The following INPP4B variants were observed in gnomAD, a reference collection of about 807,000 sequenced individuals.
INPP4B encodes the protein inositol polyphosphate-4-phosphatase type II B, also known as inositol polyphosphate 4-phosphatase type II.
A neutral mutation model predicts 122.5 loss-of-function variants in INPP4B; 55 were observed. The observed-to-expected ratio is 0.45, with a 90% CI of 0.36 to 0.56. The LOEUF (loss-of-function observed/expected upper bound fraction) is 0.56. Among genes scored for constraint, INPP4B ranks in the 20% least tolerant of loss-of-function variants. INPP4B has a pLI of 0.00. For synonymous variants in INPP4B, 403 were observed against 388.7 expected, an observed-to-expected ratio of 1.04 and a Z score of -0.43; for missense variants, 1,000 against 1,097.7, an observed-to-expected ratio of 0.91 and a Z score of 1.26.
chr4:142,332,331 C>T (rs1464900649), intron 7 of INPP4B, among the ~76,000 whole-genome samples: 1 of 152,078 alleles, frequency 6.6e-6, no homozygotes, highest in Non-Finnish European at 1.5e-5. Context: ...GAGGTAACTA[C>T]AGCTAGACAT....
At chr4:142,048,903 G>C (rs951011649) in intron 25 of INPP4B, among the ~76,000 whole-genome samples, 4 of 151,984 alleles carry the variant, frequency 2.6e-5, no homozygotes, top group African/African-American at 9.7e-5. Flanking sequence ...TAGGACCAGG[G>C]TGGCAGAACA....
intron 7 of INPP4B, among the ~76,000 whole-genome samples, chr4:142,327,160 A>C (rs527833840): frequency 2.8e-4 from 42 of 152,316 alleles, no homozygotes; most frequent in African/African-American, 9.4e-4. Flanking sequence ...AATTAAGACT[A>C]TAGTCATGAG....
intron 22 of INPP4B, 67 bp from the exon 23 acceptor site, chr4:142,108,257 T>A: frequency 2.5e-6 from 2 of 803,578 alleles, no homozygotes; most frequent in South Asian, 3.0e-5. Flanking sequence ...ACATTTTACC[T>A]TTCCTTTTTA....
At chr4:142,287,027 GCTT>G (rs1047602250) in intron 9 of INPP4B, 46 of 151,970 alleles carry the variant, frequency 3.0e-4, no homozygotes, top group Admixed American at 2.8e-3. Flanking sequence ...TCTTTCTTAG[GCTT>G]CTTCTCATAG....
At chr4:142,168,404 C>T (rs1823929464) in intron 16 of INPP4B, among the ~76,000 whole-genome samples, 1 of 151,454 alleles carries the variant, frequency 6.6e-6, no homozygotes, top group Admixed American at 6.6e-5. Flanking sequence ...ACATTCTTGG[C>T]TGTCAGATTT....
At chr4:142,317,536 A>C in intron 7 of INPP4B, 2 of 234,646 alleles carry the variant, frequency 8.5e-6, no homozygotes, top group Admixed American at 8.5e-5. Flanking sequence ...CCTCCACTGA[A>C]AGTTGGCTGA....
At chr4:142,233,224 G>A (rs1209123545) in intron 12 of INPP4B, among the ~76,000 whole-genome samples, 1 of 151,474 alleles carries the variant, frequency 6.6e-6, no homozygotes, top group Non-Finnish European at 1.5e-5. Context: ...GTGTGAGTGA[G>A]TGTATGTGTA....
At chr4:142,572,630 A>C (rs187272033) in intron 2 of INPP4B, among the ~76,000 whole-genome samples, 16 of 152,232 alleles carry the variant, frequency 1.1e-4, no homozygotes, top group African/African-American at 3.8e-4. Context: ...GATTTTTCAG[A>C]AAACGGAATT....
intron 7 of INPP4B, among the ~76,000 whole-genome samples, chr4:142,399,189 CTTTTTTTTTTTTTT>C (rs70949166): frequency 1.8e-5 from 1 of 56,948 alleles, no homozygotes; most frequent in East Asian, 6.9e-4. Context: ...TTTCCTTTTG[CTTTTTTTTTTTTTT>C]TTTTTTTTTT....
At chr4:142,246,101 T>TACAC (rs199998594) in intron 11 of INPP4B, among the ~76,000 whole-genome samples, 53 of 137,014 alleles carry the variant, frequency 3.9e-4, no homozygotes, top group African/African-American at 1.2e-3. Context: ...TGTGTGTGTA[T>TACAC]ACACACATAT....
At chr4:142,415,752 C>A (rs561911975) in intron 5 of INPP4B, among the ~76,000 whole-genome samples, 280 of 152,158 alleles carry the variant, frequency 1.8e-3, no homozygotes, top group Non-Finnish European at 3.4e-3. Context: ...TGGAACCAAC[C>A]CAAATGTCCA....
At chr4:142,156,846 C>T (rs1232623309) in intron 17 of INPP4B, among the ~76,000 whole-genome samples, 1 of 152,046 alleles carries the variant, frequency 6.6e-6, no homozygotes, top group Non-Finnish European at 1.5e-5. Flanking sequence ...TAATCTAACA[C>T]CATTTATTTG....
chr4:142,499,820 A>T (rs1331570528), intron 2 of INPP4B, among the ~76,000 whole-genome samples: 3 of 152,010 alleles, frequency 2.0e-5, no homozygotes, highest in Non-Finnish European at 4.4e-5. Context: ...ATTATTTAAA[A>T]CCTCTTACAT....
chr4:142,192,972 TAG>T, intron 15 of INPP4B, 113 bp downstream of exon 15: 1 of 594,456 alleles, frequency 1.7e-6, no homozygotes, highest in East Asian at 2.6e-5. Flanking sequence ...TGTTACTAAA[TAG>T]GTTAAGATGT....
At chr4:142,042,585 CAG>C (rs899043113) in intron 25 of INPP4B, among the ~76,000 whole-genome samples, 1 of 151,312 alleles carries the variant, frequency 6.6e-6, no homozygotes, top group African/African-American at 2.4e-5. Context: ...TATTTTTAGA[CAG>C]AGTCTCACTC....
At chr4:142,084,411 G>A (rs908573991) in intron 24 of INPP4B, among the ~76,000 whole-genome samples, 3 of 152,020 alleles carry the variant, frequency 2.0e-5, no homozygotes, top group Admixed American at 6.6e-5. Flanking sequence ...GAGCCACCAC[G>A]CCTGGCCACT....
intron 9 of INPP4B, among the ~76,000 whole-genome samples, chr4:142,302,092 C>T (rs989808988): frequency 6.6e-6 from 1 of 152,080 alleles, no homozygotes. Context: ...TGGCAGCAAA[C>T]CAGATCGAGA....
intron 2 of INPP4B, among the ~76,000 whole-genome samples, chr4:142,519,574 C>T (rs1326927604): frequency 6.6e-6 from 1 of 152,078 alleles, no homozygotes; most frequent in Non-Finnish European, 1.5e-5. Flanking sequence ...TAAGCTGTAG[C>T]AGGACAGTTT....
chr4:142,413,302 G>T (rs868560591), intron 5 of INPP4B, among the ~76,000 whole-genome samples: 31 of 152,030 alleles, frequency 2.0e-4, no homozygotes, highest in Non-Finnish European at 2.2e-4. Flanking sequence ...CTAATTTTAG[G>T]TTTCTAAAAG....
Sources: allele counts gnomAD v4.1 joint callset (sites outside exome capture counted in the v4.1 genomes callset), GRCh38; gene constraint gnomAD v4.1.1; transcripts MANE v1.5; gene names NCBI Gene and HGNC (gene_info 2026-07-23, HGNC 2026-07-21).